The following PLA2G4A variants were observed in gnomAD, a reference collection of about 807,000 sequenced individuals.
The protein encoded by PLA2G4A is cytosolic phospholipase A2.
PLA2G4A carries 40 observed loss-of-function variants against 81.9 expected under a neutral mutation model. The ratio of observed to expected loss-of-function variants is 0.49; its 90% confidence interval spans 0.38 to 0.64. The LOEUF is 0.64. PLA2G4A is among the 30% of genes least tolerant of loss of function. The pLI is 0.00. For synonymous variants in PLA2G4A, 302 were observed against 296.9 expected, an observed-to-expected ratio of 1.02 and a Z score of -0.18; for missense variants, 715 against 905.1, an observed-to-expected ratio of 0.79 and a Z score of 2.69.
At chr1:186,960,487 A>G (rs75779487) in intron 14 of PLA2G4A, among the ~76,000 whole-genome samples, 7,052 of 152,304 alleles carry the variant, frequency 0.046, 226 homozygotes, top group African/African-American at 0.088. Context: ...ATATTCTTCC[A>G]TAACGGCATT....
chr1:186,940,045 T>C lies in PLA2G4A; in HGVS notation c.984T>C (p.Leu328=). 1 of 1,610,850 alleles carries C rather than the reference T, an allele frequency of 6.2e-7. No homozygotes were observed. Among genetic ancestry groups the C allele is most frequent in the Non-Finnish European group, 8.5e-7 (1 of 1,177,096 alleles). ...KVNTAQCPLP[L]FTCLHVKPDV... ...ATACTGCACAATGCCCTTTACCTCT[T>C]TTCACCTGTCTTCATGTCAAACCTG... Residue 328 remains leucine, a synonymous_variant, in exon 10 of 18, where the codon CTT becomes CTC. Transcript: ENST00000367466.
Position 186,979,466 on chromosome 1 carries a change from C to T in PLA2G4A, c.2112C>T (p.Asn704=). ...HDLMHFNTLN[N]IDVIKEAMVE... is the part of the protein sequence containing the mutation. ...TTATGCACTTCAATACTCTGAACAACATTGATGTAAGTATCTCCTATGGCC... is the reference window on the plus strand; with the variant it reads ...TTATGCACTTCAATACTCTGAACAATATTGATGTAAGTATCTCCTATGGCC... Residue 704 remains asparagine (N), a synonymous_variant, in exon 17 of 18, where the codon AAC becomes AAT. Coordinates refer to ENST00000367466, the MANE Select transcript of PLA2G4A (RefSeq NM_024420.3). 6.3e-7 allele frequency: 1 copy of T among 1,585,554 alleles called. No individual in the cohort carries two copies.
At chr1:186,910,999 G>A (rs527457624) in intron 6 of PLA2G4A, among the ~76,000 whole-genome samples, 109 of 152,318 alleles carry the variant, frequency 7.2e-4, no homozygotes, top group African/African-American at 2.5e-3. Context: ...ATCAGAGGCT[G>A]TTTGTTTGCT....
intron 13 of PLA2G4A, among the ~76,000 whole-genome samples, chr1:186,953,224 C>T (rs917956774): frequency 1.6e-4 from 24 of 152,324 alleles, no homozygotes; most frequent in African/African-American, 5.8e-4. Flanking sequence ...ATCTTTTAAA[C>T]ATTTGGTATT....
intron 1 of PLA2G4A, among the ~76,000 whole-genome samples, chr1:186,841,938 CG>C (rs76073931): frequency 0.55 from 83,974 of 151,744 alleles, 23,886 homozygotes; most frequent in East Asian, 0.67. Flanking sequence ...TGAGGGGTTG[CG>C]GGGAGCTTTT....
intron 1 of PLA2G4A, among the ~76,000 whole-genome samples, chr1:186,839,817 A>C (rs1651914487): frequency 6.6e-6 from 1 of 152,040 alleles, no homozygotes; most frequent in Non-Finnish European, 1.5e-5. Context: ...TCTCCTCAAA[A>C]ATTTTACATG....
At chr1:186,925,372 A>G (rs1397938882) in intron 7 of PLA2G4A, among the ~76,000 whole-genome samples, 1 of 152,186 alleles carries the variant, frequency 6.6e-6, no homozygotes, top group Non-Finnish European at 1.5e-5. Context: ...ATGTTTCAAA[A>G]CAGAAACCTA....
chr1:186,923,786 C>T (rs909494695), intron 7 of PLA2G4A, among the ~76,000 whole-genome samples: 12 of 152,200 alleles, frequency 7.9e-5, no homozygotes, highest in Non-Finnish European at 1.2e-4. Context: ...TTTGGGAGAA[C>T]GTGCCTTGCA....
At chr1:186,987,133 T>C (rs1166541268) in intron 17 of PLA2G4A, among the ~76,000 whole-genome samples, 3 of 152,228 alleles carry the variant, frequency 2.0e-5, no homozygotes, top group Admixed American at 2.0e-4. Flanking sequence ...GGACATAAAG[T>C]CACAGAAAAA....
intron 4 of PLA2G4A, among the ~76,000 whole-genome samples, chr1:186,893,555 C>T (rs925549664): frequency 6.6e-6 from 1 of 152,064 alleles, no homozygotes; most frequent in Non-Finnish European, 1.5e-5. Flanking sequence ...GATAAAGTTT[C>T]GTTTTTGAAA....
chr1:186,928,060 A>G (rs1474803078), intron 7 of PLA2G4A, among the ~76,000 whole-genome samples: 3 of 152,088 alleles, frequency 2.0e-5, no homozygotes, highest in Non-Finnish European at 4.4e-5. Flanking sequence ...AGGTTTCAGG[A>G]ATCAAGAGGT....
intron 7 of PLA2G4A, among the ~76,000 whole-genome samples, chr1:186,932,294 C>CTTTTT (rs67757094): frequency 5.8e-5 from 8 of 138,554 alleles, no homozygotes; most frequent in African/African-American, 7.9e-5. Context: ...TTTTCTTTTT[C>CTTTTT]TTTTTTTTTT....
At chr1:186,895,768 T>G (rs1156782869) in intron 5 of PLA2G4A, among the ~76,000 whole-genome samples, 1 of 152,210 alleles carries the variant, frequency 6.6e-6, no homozygotes, top group East Asian at 1.9e-4. Context: ...TTGAACAAGT[T>G]GAACAGTGAA....
chr1:186,949,344 A>G (rs981681633), intron 12 of PLA2G4A, among the ~76,000 whole-genome samples: 2 of 137,278 alleles, frequency 1.5e-5, no homozygotes, highest in Non-Finnish European at 3.3e-5. Context: ...AGAAGAAAGA[A>G]AGAGAAAGAA....
In PLA2G4A at chr1:186,924,562, C is replaced by T. The variant is rs535260405; in HGVS notation, c.559-8201C>T. Among the ~76,000 whole-genome samples the T allele has an allele frequency of 3.3e-5, 5 of 152,186 alleles. No homozygotes were observed. The South Asian group carries it at 1.0e-3, about 32-fold the overall frequency. The stretch of plus-strand genomic sequence containing the variant: ...AGTCATAGTCCTAGGTCCTCTTTCT[C>T]CTCATTCTATTTCTTTCTTTCTTTT... On this transcript the variant is annotated intron_variant, in intron 7 of 17. Coordinates refer to ENST00000367466, the MANE Select transcript of PLA2G4A (RefSeq NM_024420.3).
intron 2 of PLA2G4A, among the ~76,000 whole-genome samples, chr1:186,863,465 C>T (rs1355258117): frequency 1.3e-5 from 2 of 152,140 alleles, no homozygotes; most frequent in Non-Finnish European, 2.9e-5. Flanking sequence ...TATTCATCAT[C>T]TCATACATTT....
chr1:186,939,492 G>GA (rs10599543), intron 9 of PLA2G4A, among the ~76,000 whole-genome samples: 6,826 of 143,016 alleles, frequency 0.048, 205 homozygotes, highest in Admixed American at 0.097. Context: ...CTTTTCTCTG[G>GA]AAAAAAAAAA....
chr1:186,902,879 C>CA (rs72003812), intron 5 of PLA2G4A, among the ~76,000 whole-genome samples: 7,781 of 99,318 alleles, frequency 0.078, 263 homozygotes, highest in Middle Eastern at 0.14. Context: ...CTTTATTGCT[C>CA]AAAAAAAAAA....
At chr1:186,941,884 T>C (rs1656167766) in intron 10 of PLA2G4A, among the ~76,000 whole-genome samples, 1 of 152,178 alleles carries the variant, frequency 6.6e-6, no homozygotes, top group African/African-American at 2.4e-5. Context: ...TAGACCCAGT[T>C]TTCTCATCTG....
Sources: gnomAD v4.1 joint callset for allele counts (sites outside exome capture counted in the v4.1 genomes callset) on GRCh38, gnomAD v4.1.1 for gene constraint, MANE v1.5 for transcripts, NCBI Gene and HGNC (gene_info 2026-07-23, HGNC 2026-07-21) for gene names.